The following MAP2 variants were observed in gnomAD, a reference collection of about 807,000 sequenced individuals.
The protein encoded by MAP2 is microtubule-associated protein 2.
Under a neutral mutation model 137.6 loss-of-function variants are expected in MAP2, and 14 were observed. The observed-to-expected ratio is 0.10, with a 90% CI of 0.07 to 0.16. The LOEUF (loss-of-function observed/expected upper bound fraction) is 0.16, where lower values mean the gene tolerates loss of function less well. Among genes scored for constraint, MAP2 ranks in the 10% least tolerant of loss-of-function variants. MAP2 has a pLI of 1.00. For missense variants in MAP2, 2,088 were observed against 2,191.5 expected, an observed-to-expected ratio of 0.95 and a Z score of 0.94; for synonymous variants, 786 against 782.3, an observed-to-expected ratio of 1.00 and a Z score of -0.08.
chr2:209,701,812 C>T (rs1367597656), intron 11 of MAP2, among the ~76,000 whole-genome samples: 1 of 152,038 alleles, frequency 6.6e-6, no homozygotes, highest in Non-Finnish European at 1.5e-5. Context: ...AGATTTGTAT[C>T]TCTTTACCTT....
chr2:209,482,025 T>C (rs1272148325), intron 1 of MAP2, among the ~76,000 whole-genome samples: 1 of 152,200 alleles, frequency 6.6e-6, no homozygotes, highest in African/African-American at 2.4e-5. Flanking sequence ...GGAACTTCTT[T>C]TTTTTTAAGT....
At chr2:209,448,618 T>C (rs141678013) in intron 1 of MAP2, among the ~76,000 whole-genome samples, 62 of 152,288 alleles carry the variant, frequency 4.1e-4, no homozygotes, top group African/African-American at 1.4e-3. Flanking sequence ...ATCCCATTCC[T>C]TGCCTCTTCT....
chr2:209,704,758 T>G, intron 11 of MAP2: 1 of 660,878 alleles, frequency 1.5e-6, no homozygotes. Flanking sequence ...TAGGCCCTTT[T>G]AAAAACAAAT....
intron 5 of MAP2, among the ~76,000 whole-genome samples, chr2:209,662,864 T>TA (rs1260653390): frequency 1.3e-5 from 2 of 152,082 alleles, no homozygotes; most frequent in African/African-American, 2.4e-5. Flanking sequence ...AAAGATAAGA[T>TA]AAAAAATCTA....
At chr2:209,575,542 A>AG in intron 2 of MAP2, among the ~76,000 whole-genome samples, 1 of 150,710 alleles carries the variant, frequency 6.6e-6, no homozygotes, top group East Asian at 1.9e-4. Flanking sequence ...AAAAAAAAAA[A>AG]AATACATATA....
chr2:209,668,911 C>T (rs1004151579), intron 5 of MAP2, among the ~76,000 whole-genome samples: 1 of 151,960 alleles, frequency 6.6e-6, no homozygotes, highest in East Asian at 1.9e-4. Context: ...ATTGATTTCA[C>T]TGTACTTCCC....
chr2:209,718,497 C>G (rs2068703595), intron 13 of MAP2, among the ~76,000 whole-genome samples: 1 of 151,870 alleles, frequency 6.6e-6, no homozygotes, highest in Admixed American at 6.6e-5. Context: ...CTTCCAGCGC[C>G]CACTGAGAGA....
chr2:209,553,746 G>A (rs1226254164), intron 2 of MAP2, among the ~76,000 whole-genome samples: 1 of 152,122 alleles, frequency 6.6e-6, no homozygotes, highest in Non-Finnish European at 1.5e-5. Flanking sequence ...CCTAAGTGGC[G>A]TATTTGAGAA....
intron 5 of MAP2, chr2:209,661,437 C>T (rs921058856): frequency 1.2e-6 from 1 of 868,004 alleles, no homozygotes; most frequent in African/African-American, 1.8e-5. Flanking sequence ...CCACTCATTG[C>T]TCTGGCTGCC....
At chr2:209,692,583 A>G (rs372746081) in intron 7 of MAP2, 42 bp from the exon 8 acceptor site, 29 of 1,519,982 alleles carry the variant, frequency 1.9e-5, no homozygotes, top group South Asian at 2.7e-5. Flanking sequence ...TCCTGAACGC[A>G]CTTGCCTATT....
At chr2:209,698,521 A>G (rs1230358849) in intron 10 of MAP2, among the ~76,000 whole-genome samples, 1 of 152,186 alleles carries the variant, frequency 6.6e-6, no homozygotes, top group Non-Finnish European at 1.5e-5. Flanking sequence ...GAGAAAATCA[A>G]GGTAACTGAT....
intron 2 of MAP2, among the ~76,000 whole-genome samples, chr2:209,510,841 CA>C (rs1462624966): frequency 6.6e-6 from 1 of 151,994 alleles, no homozygotes; most frequent in East Asian, 1.9e-4. Context: ...AAGACGGAAT[CA>C]AAAGCTAAAT....
chr2:209,451,181 T>C (rs59999353), intron 1 of MAP2, among the ~76,000 whole-genome samples: 14,371 of 152,192 alleles, frequency 0.094, 1,462 homozygotes, highest in African/African-American at 0.26. Context: ...GAAGTTGGAC[T>C]ATGTTTAGGG....
At chr2:209,549,329 C>T (rs2068701501) in intron 2 of MAP2, among the ~76,000 whole-genome samples, 1 of 152,116 alleles carries the variant, frequency 6.6e-6, no homozygotes, top group East Asian at 1.9e-4. Flanking sequence ...TTCACCAGAA[C>T]AGACTTGTGC....
chr2:209,663,698 C>A (rs751003502), intron 5 of MAP2, among the ~76,000 whole-genome samples: 5 of 152,152 alleles, frequency 3.3e-5, no homozygotes, highest in Non-Finnish European at 5.9e-5. Context: ...ACATATGATT[C>A]AGTTTAAGCA....
At chr2:209,572,101 T>A (rs1408360824) in intron 2 of MAP2, among the ~76,000 whole-genome samples, 2 of 152,098 alleles carry the variant, frequency 1.3e-5, no homozygotes, top group Admixed American at 6.5e-5. Context: ...TTTAAAAAAA[T>A]CATCATACTA....
At chr2:209,632,503 T>C (rs1410340880) in intron 4 of MAP2, among the ~76,000 whole-genome samples, 1 of 152,146 alleles carries the variant, frequency 6.6e-6, no homozygotes, top group Non-Finnish European at 1.5e-5. Context: ...GCTTAATAGA[T>C]TCTCAGTGAC....
At chr2:209,508,001 G>T (rs12993084) in intron 2 of MAP2, among the ~76,000 whole-genome samples, 4 of 151,990 alleles carry the variant, frequency 2.6e-5, no homozygotes, top group Admixed American at 1.3e-4. Context: ...TCCTGAATTT[G>T]CAGGAAAACA....
chr2:209,653,174 G>T lies in MAP2; in HGVS notation c.4G>T (p.Ala2Ser). ...AGAAATAACAAGGCATTGAAGAATG[G>T]CAGATGAACGGAAAGATGAAGCAAA... Reference protein sequence around the residue: MADERKDEAKAP... With the variant: MSDERKDEAKAP... The change falls in exon 5 of 16, where the codon GCA (alanine) becomes TCA (serine). Residue 2 changes from alanine to serine, a missense_variant. Physicochemically the swap from Ala to Ser is moderately conservative, Grantham distance 99. Transcript: ENST00000682079. The T allele has an allele frequency of 6.3e-7, 1 of 1,591,514 alleles. No individual in the cohort carries two copies. Among genetic ancestry groups the T allele is most frequent in the Non-Finnish European group, 8.5e-7 (1 of 1,170,312 alleles).
Sources: gnomAD v4.1 joint callset for allele counts (sites outside exome capture counted in the v4.1 genomes callset) on GRCh38, gnomAD v4.1.1 for gene constraint, MANE v1.5 for transcripts, NCBI Gene and HGNC (gene_info 2026-07-23, HGNC 2026-07-21) for gene names.